SYT9: variants seen among roughly 807,000 people sequenced by gnomAD.
The protein encoded by SYT9 is synaptotagmin-9.
In SYT9, 22 loss-of-function variants were observed where a neutral mutation model predicts 48.4. The observed-to-expected ratio is 0.45, with a 90% CI of 0.32 to 0.65. The LOEUF (loss-of-function observed/expected upper bound fraction) is 0.65. Ranked by LOEUF, SYT9 falls within the 30% of genes least tolerant of loss-of-function variation. SYT9 has a pLI of 0.03. For missense variants in SYT9, 577 were observed against 622.0 expected (o/e 0.93, Z 0.77); for synonymous variants, 265 against 245.0 (o/e 1.08, Z -0.76).
chr11:7,452,165 A>G (rs1255015957), intron 6 of SYT9, among the ~76,000 whole-genome samples: 1 of 149,816 alleles, frequency 6.7e-6, no homozygotes, highest in Admixed American at 6.6e-5. Flanking sequence ...AAAACAAACA[A>G]TGATAAGAAA....
In SYT9 at chr11:7,466,866, T is replaced by C; in HGVS notation, c.*66T>C. On this transcript the variant is annotated 3_prime_UTR_variant, in exon 7 of 7. Coordinates refer to ENST00000318881, the MANE Select transcript of SYT9 (RefSeq NM_175733.4). Reference sequence around the variant, plus strand: ...ACAACCATCTCACAAAGATCTTAAGTAACTTTTTCCATCCAGCAACATCCA... The same window carrying C: ...ACAACCATCTCACAAAGATCTTAAGCAACTTTTTCCATCCAGCAACATCCA... The C allele has an allele frequency of 6.3e-7, 1 of 1,587,512 alleles. No homozygotes were observed. Among genetic ancestry groups the C allele is most frequent in the East Asian group, 2.2e-5 (1 of 44,742 alleles).
At chr11:7,447,527 G>A (rs908679151) in intron 6 of SYT9, among the ~76,000 whole-genome samples, 5 of 152,064 alleles carry the variant, frequency 3.3e-5, no homozygotes, top group Admixed American at 1.3e-4. Context: ...CACTTCCTTC[G>A]AACTCAACAT....
At chr11:7,464,533 G>C (rs1341340149) in intron 6 of SYT9, among the ~76,000 whole-genome samples, 1 of 152,068 alleles carries the variant, frequency 6.6e-6, no homozygotes, top group Non-Finnish European at 1.5e-5. Context: ...AGAACCCCAC[G>C]GGGTCTTTTA....
At chr11:7,400,716 G>A (rs1282092957) in intron 3 of SYT9, among the ~76,000 whole-genome samples, 1 of 152,114 alleles carries the variant, frequency 6.6e-6, no homozygotes, top group Non-Finnish European at 1.5e-5. Context: ...GATAACTCTG[G>A]AGAAGATATT....
chr11:7,447,983 G>T (rs1260792427), intron 6 of SYT9, among the ~76,000 whole-genome samples: 2 of 152,196 alleles, frequency 1.3e-5, no homozygotes, highest in African/African-American at 4.8e-5. Context: ...GGTTTCAGAA[G>T]ATTGCACGTT....
At chr11:7,374,978 G>A (rs1850427045) in intron 3 of SYT9, among the ~76,000 whole-genome samples, 1 of 152,138 alleles carries the variant, frequency 6.6e-6, no homozygotes, top group African/African-American at 2.4e-5. Context: ...CGGTGTTTTA[G>A]TCATGAAGTC....
At chr11:7,452,473 G>A (rs557148334) in intron 6 of SYT9, among the ~76,000 whole-genome samples, 2 of 152,310 alleles carry the variant, frequency 1.3e-5, no homozygotes, top group East Asian at 1.9e-4. Context: ...TTGAGAGGCT[G>A]CTCTGAAGAA....
intron 1 of SYT9, among the ~76,000 whole-genome samples, chr11:7,277,710 T>C (rs1442846371): frequency 2.6e-5 from 4 of 152,222 alleles, no homozygotes; most frequent in African/African-American, 9.6e-5. Context: ...TCAGCATGCA[T>C]GTAGGATCTG....
intron 2 of SYT9, among the ~76,000 whole-genome samples, chr11:7,309,359 G>C (rs989209046): frequency 3.9e-5 from 6 of 151,984 alleles, no homozygotes; most frequent in African/African-American, 1.5e-4. Context: ...TTCATTCACT[G>C]TGCACATTAA....
intron 1 of SYT9, among the ~76,000 whole-genome samples, chr11:7,279,401 G>T (rs1848454494): frequency 1.3e-5 from 2 of 152,124 alleles, no homozygotes; most frequent in South Asian, 4.1e-4. Flanking sequence ...GAATAGGAGG[G>T]GTGAAGCTCA....
chr11:7,395,070 A>G (rs1472168424), intron 3 of SYT9, among the ~76,000 whole-genome samples: 4 of 152,040 alleles, frequency 2.6e-5, no homozygotes, highest in Non-Finnish European at 1.5e-5. Context: ...TGGTTACATC[A>G]GTAGGTTCTT....
In SYT9 at chr11:7,432,637, A is replaced by ATT. The variant is rs1847628867; in HGVS notation, c.1467+12004_1467+12005dup. Among the ~76,000 whole-genome samples the ATT allele has an allele frequency of 5.9e-5, 6 of 100,890 alleles. No individual in the cohort carries two copies. The South Asian group carries it at 1.1e-3, about 18-fold the overall frequency. The allele number at this position is 100,890 out of a possible 152,430, so 66.2% of individuals were successfully genotyped here. A position where few individuals can be genotyped will look rare whatever the true frequency, so the allele number is the denominator to read the frequency against. On this transcript the variant is annotated intron_variant, in intron 6 of 6. Transcript: ENST00000318881. ...TATATATATATATATATATATATATATTTAATGACTGCCCTGCAGGGTTTA... is the reference window on the plus strand; with the variant it reads ...TATATATATATATATATATATATATATTTTTAATGACTGCCCTGCAGGGTTTA...
intron 6 of SYT9, among the ~76,000 whole-genome samples, chr11:7,455,490 C>T (rs559865667): frequency 7.4e-5 from 11 of 148,452 alleles, no homozygotes; most frequent in South Asian, 4.3e-4. Flanking sequence ...CCCGCCACCA[C>T]GCCTGGTTAA....
At chr11:7,301,663 G>A (rs1848922928) in intron 1 of SYT9, among the ~76,000 whole-genome samples, 1 of 152,168 alleles carries the variant, frequency 6.6e-6, no homozygotes, top group African/African-American at 2.4e-5. Context: ...AGAGCTTAGC[G>A]TAGCACTTGG....
rs1161683591 is a variant in SYT9, at chr11:7,297,178, TCA to T, written c.146-5859_146-5858del. On this transcript the variant is annotated intron_variant, in intron 1 of 6. Coordinates refer to ENST00000318881, the MANE Select transcript of SYT9 (RefSeq NM_175733.4). ...TTGCTAAAAATGGAGACTCTGGACCTCACCCAAGACATATTAAATAAGAATAT... is the reference window on the plus strand; with the variant it reads ...TTGCTAAAAATGGAGACTCTGGACCTCCCAAGACATATTAAATAAGAATAT... Among the ~76,000 whole-genome samples the T allele has an allele frequency of 4.6e-4, 70 of 152,056 alleles. 1 individual carries two copies. The highest frequency in any genetic ancestry group is 1.6e-3 in the African/African-American group (66 of 41,488).
intron 3 of SYT9, among the ~76,000 whole-genome samples, chr11:7,357,734 A>G (rs986419561): frequency 2.0e-5 from 3 of 152,098 alleles, no homozygotes; most frequent in African/African-American, 7.2e-5. Flanking sequence ...TCCCTCTTAC[A>G]TGGATTGATT....
chr11:7,414,651 G>A (rs760184616), intron 3 of SYT9, among the ~76,000 whole-genome samples: 29 of 148,956 alleles, frequency 1.9e-4, no homozygotes, highest in Non-Finnish European at 2.4e-4. Context: ...AGCCTAGCTT[G>A]CAAGGAGAGG....
chr11:7,440,847 T>A (rs1200026577), intron 6 of SYT9: 12 of 152,182 alleles, frequency 7.9e-5, no homozygotes, highest in African/African-American at 2.7e-4. Context: ...GATCAGCTGA[T>A]CTCATCAAGA....
chr11:7,297,586 C>G (rs1454270820), intron 1 of SYT9, among the ~76,000 whole-genome samples: 1 of 152,240 alleles, frequency 6.6e-6, no homozygotes, highest in African/African-American at 2.4e-5. Context: ...ACTGGCCCCT[C>G]TCTAGGCCTG....
Sources: gnomAD v4.1 joint callset for allele counts (sites outside exome capture counted in the v4.1 genomes callset) on GRCh38, gnomAD v4.1.1 for gene constraint, MANE v1.5 for transcripts, NCBI Gene and HGNC (gene_info 2026-07-23, HGNC 2026-07-21) for gene names.